SHANK2: variants seen among roughly 807,000 people sequenced by gnomAD.
SHANK2 encodes SH3 and multiple ankyrin repeat domains protein 2.
Under a neutral mutation model 133.7 loss-of-function variants are expected in SHANK2, and 43 were observed. That is an observed-to-expected ratio of 0.32 (90% CI 0.25 to 0.41). SHANK2 has a LOEUF of 0.41. Among genes scored for constraint, SHANK2 ranks in the 10% least tolerant of loss-of-function variants. The probability of loss-of-function intolerance (pLI) is 1.00; values close to 1 mark genes in which losing one functional copy is unlikely to be tolerated. For synonymous variants in SHANK2, 1,017 were observed against 952.8 expected, an observed-to-expected ratio of 1.07 and a Z score of -1.24; for missense variants, 1,994 against 2,235.8, an observed-to-expected ratio of 0.89 and a Z score of 2.18.
At position 70,617,208 on chromosome 11, in the gene SHANK2, GTGTC is replaced by G. The variant is rs531379789; in HGVS notation, c.2061+42616_2061+42619del. Among the ~76,000 whole-genome samples, 320 of 151,934 alleles carry G rather than the reference GTGTC, an allele frequency of 2.1e-3. 1 individual carries two copies. Among genetic ancestry groups the G allele is most frequent in the Non-Finnish European group, 2.0e-3 (138 of 67,896 alleles). On this transcript the variant is annotated intron_variant, in intron 17 of 25. Transcript: ENST00000601538. ...AGTGTCTATGAATGTGTGAGTGTGA[GTGTC>G]TGAGTGTGTTGTGTGTGTGTGCATG...
Position 70,485,689 on chromosome 11 carries a change from T to A in SHANK2, c.4604A>T (p.Asp1535Val). The A allele has an allele frequency of 1.2e-6, 2 of 1,614,102 alleles. No individual in the cohort carries two copies. The highest frequency in any genetic ancestry group is 1.7e-6 in the Non-Finnish European group (2 of 1,180,030). ...TTTGTCAACCATAAATGCTTGCCCA[T>A]CTGCATAGACTGTGCAGGTGTCCAC... is the stretch of plus-strand genomic sequence containing the variant. Reference protein sequence around the residue: ...ENVDTCTVYADGQAFMVDKPP... With the variant: ...ENVDTCTVYAVGQAFMVDKPP... The change falls in exon 25 of 26, where the codon GAT (aspartate) becomes GTT (valine). Residue 1535 changes from aspartate (D) to valine (V), a missense_variant. Physicochemically the swap from Asp to Val is radical, Grantham distance 152. This residue lies in a region of SHANK2 where 797 missense variants were observed against 907.4 expected (regional missense o/e 0.88). Coordinates refer to ENST00000601538, the MANE Select transcript of SHANK2 (RefSeq NM_012309.5). The surrounding 1 kb of genome is among the most constrained non-coding windows in gnomAD (Gnocchi z 5.8).
chr11:70,929,173 T>C (rs782520232), intron 10 of SHANK2, among the ~76,000 whole-genome samples: 10 of 152,210 alleles, frequency 6.6e-5, no homozygotes, highest in Non-Finnish European at 1.0e-4. Context: ...GTGTGTATCA[T>C]AAGGAAGCCT....
At chr11:70,657,680 A>G (rs1204258819) in intron 17 of SHANK2, among the ~76,000 whole-genome samples, 1 of 152,202 alleles carries the variant, frequency 6.6e-6, no homozygotes, top group Non-Finnish European at 1.5e-5. Context: ...CGCAGCCCTA[A>G]TGCATCTCAG....
chr11:71,222,652 C>A (rs968516727), intron 2 of SHANK2, among the ~76,000 whole-genome samples: 3 of 152,238 alleles, frequency 2.0e-5, no homozygotes, highest in African/African-American at 7.2e-5. Flanking sequence ...TCCGAGGAAG[C>A]CAAAGGCAGC....
At chr11:70,745,064 C>T (rs1424557945) in intron 14 of SHANK2, among the ~76,000 whole-genome samples, 1 of 152,238 alleles carries the variant, frequency 6.6e-6, no homozygotes, top group Admixed American at 6.5e-5. Flanking sequence ...CAAAAAGCCG[C>T]CCCAAGCGGC....
intron 17 of SHANK2, among the ~76,000 whole-genome samples, chr11:70,565,171 C>T (rs2059952516): frequency 1.3e-5 from 2 of 152,076 alleles, no homozygotes; most frequent in Admixed American, 1.3e-4. Context: ...GTATCCTGGT[C>T]TTGAGCTTTG....
chr11:71,073,147 C>CTTTTTTTTTTTTTTTGTTTTTT (rs1156355131), intron 9 of SHANK2, among the ~76,000 whole-genome samples: 1 of 62,716 alleles, frequency 1.6e-5, no homozygotes, highest in Non-Finnish European at 3.9e-5. Flanking sequence ...TTTTTCTTTT[C>CTTTTTTTTTTTTTTTGTTTTTT]TTTTTTTTCT....
At chr11:70,760,658 G>T (rs1225823606) in intron 14 of SHANK2, among the ~76,000 whole-genome samples, 2 of 152,246 alleles carry the variant, frequency 1.3e-5, no homozygotes, top group Non-Finnish European at 2.9e-5. Flanking sequence ...AGTGCTGTGG[G>T]AGTGTGCAGC....
chr11:70,763,386 C>T (rs148592068), intron 14 of SHANK2, among the ~76,000 whole-genome samples: 71 of 152,200 alleles, frequency 4.7e-4, no homozygotes, highest in Middle Eastern at 3.4e-3. Flanking sequence ...GGAGCTGCTC[C>T]GGGATAACTG....
chr11:70,487,478 C>T lies in SHANK2; in HGVS notation c.2815G>A (p.Asp939Asn). The change falls in exon 25 of 26, where the codon GAC becomes AAC. Residue 939 changes from aspartate (D) to asparagine (N), a missense_variant. Coordinates refer to ENST00000601538, the MANE Select transcript of SHANK2 (RefSeq NM_012309.5). The surrounding 1 kb of genome is among the most constrained non-coding windows in gnomAD (Gnocchi z 5.8). ...AAKVSPATRS[D>N]TVATMMREKG... ...TCCCTCATCATGGTGGCCACGGTGTCGGACCTGGTGGCGGGGGACACCTTG... is the reference window on the plus strand; with the variant it reads ...TCCCTCATCATGGTGGCCACGGTGTTGGACCTGGTGGCGGGGGACACCTTG... 2 of 1,613,978 alleles carry T rather than the reference C, an allele frequency of 1.2e-6. No individual in the cohort carries two copies. Among genetic ancestry groups the T allele is most frequent in the Non-Finnish European group, 1.7e-6 (2 of 1,180,006 alleles).
chr11:70,813,354 G>T (rs1285073254), intron 12 of SHANK2, among the ~76,000 whole-genome samples: 2 of 152,166 alleles, frequency 1.3e-5, no homozygotes, highest in Admixed American at 6.5e-5. Context: ...GCCACACGGC[G>T]CAGTGGTGCC....
chr11:70,508,650 C>T lies in SHANK2; in HGVS notation c.2062-5719G>A, dbSNP rs77595640. 7.8e-3 allele frequency among the ~76,000 whole-genome samples: 1,189 copies of T among 152,242 alleles called. 14 individuals are homozygous for T. Among genetic ancestry groups the T allele is most frequent in the African/African-American group, 0.028 (1,145 of 41,526 alleles). On this transcript the variant is annotated intron_variant, in intron 17 of 25. Coordinates refer to ENST00000601538, the MANE Select transcript of SHANK2 (RefSeq NM_012309.5). ...GCTCACACTTGTAATCCCAGCACTC[C>T]GGGAGGTTGAGGTGGGTGGGTTGCT...
intron 12 of SHANK2, among the ~76,000 whole-genome samples, chr11:70,819,526 A>G (rs1485701150): frequency 6.6e-6 from 1 of 152,116 alleles, no homozygotes; most frequent in East Asian, 1.9e-4. Context: ...CCTGCTTGGG[A>G]GTTGGAGCTC....
intron 2 of SHANK2, among the ~76,000 whole-genome samples, chr11:71,209,627 A>G (rs188250901): frequency 4.5e-4 from 68 of 152,328 alleles, no homozygotes; most frequent in Admixed American, 1.2e-3. Context: ...GGCAGCAGCC[A>G]TCCCTTGTGG....
At chr11:71,207,743 G>C (rs1555118213) in intron 2 of SHANK2, among the ~76,000 whole-genome samples, 1 of 152,164 alleles carries the variant, frequency 6.6e-6, no homozygotes, top group African/African-American at 2.4e-5. Flanking sequence ...CTCTCAGCCA[G>C]GTCTTCCAGT....
chr11:70,859,013 T>G (rs549441822), intron 11 of SHANK2, among the ~76,000 whole-genome samples: 9 of 152,360 alleles, frequency 5.9e-5, no homozygotes, highest in African/African-American at 2.2e-4. Context: ...GCACTGGTGT[T>G]GGGCCTAGAG....
chr11:71,138,543 G>A (rs1165326576), intron 3 of SHANK2, among the ~76,000 whole-genome samples: 1 of 152,072 alleles, frequency 6.6e-6, no homozygotes, highest in Non-Finnish European at 1.5e-5. Flanking sequence ...CCGGCCGGGC[G>A]CGGTGGTTCA....
At chr11:71,140,485 C>T (rs1419460421) in intron 3 of SHANK2, among the ~76,000 whole-genome samples, 3 of 152,218 alleles carry the variant, frequency 2.0e-5, no homozygotes, top group Non-Finnish European at 4.4e-5. Context: ...AGGGTCCGGC[C>T]GGGTGTAGAA....
intron 2 of SHANK2, among the ~76,000 whole-genome samples, chr11:71,186,778 A>T (rs1453944808): frequency 6.6e-6 from 1 of 152,200 alleles, no homozygotes; most frequent in Non-Finnish European, 1.5e-5. Flanking sequence ...TATCCATAGG[A>T]GACATCTAAC....
Sources: allele counts gnomAD v4.1 joint callset (sites outside exome capture counted in the v4.1 genomes callset), GRCh38; gene constraint gnomAD v4.1.1; regional missense constraint gnomAD v4.1.1; non-coding constraint Gnocchi (gnomAD v3.1); transcripts MANE v1.5; gene names NCBI Gene and HGNC (gene_info 2026-07-23, HGNC 2026-07-21).